UBE2E2: variants seen among roughly 807,000 people sequenced by gnomAD.
The protein encoded by UBE2E2 is ubiquitin conjugating enzyme E2 E2, also known as ubiquitin-conjugating enzyme E2 E2.
In UBE2E2, 6 loss-of-function variants were observed where a neutral mutation model predicts 24.7. The ratio of observed to expected loss-of-function variants is 0.24; its 90% CI spans 0.13 to 0.48. The LOEUF (loss-of-function observed/expected upper bound fraction) is 0.48. Ranked by LOEUF, UBE2E2 falls within the 20% of genes least tolerant of loss-of-function variation. The probability of loss-of-function intolerance (pLI) is 0.99; values close to 1 mark genes in which losing one functional copy is unlikely to be tolerated. For missense variants in UBE2E2, 169 were observed against 245.0 expected (o/e 0.69, Z 2.07); for synonymous variants, 104 against 83.6 (o/e 1.24, Z -1.33).
At chr3:23,483,373 G>T (rs992797976) in intron 3 of UBE2E2, among the ~76,000 whole-genome samples, 8 of 152,208 alleles carry the variant, frequency 5.3e-5, no homozygotes, top group African/African-American at 1.9e-4. Context: ...CTCTTTGCCA[G>T]ACACTACATT....
At chr3:23,351,461 C>T (rs1695745603) in intron 3 of UBE2E2, among the ~76,000 whole-genome samples, 2 of 152,190 alleles carry the variant, frequency 1.3e-5, no homozygotes, top group African/African-American at 4.8e-5. Flanking sequence ...AGAGTCAAGA[C>T]CCATCAGTGT....
intron 3 of UBE2E2, among the ~76,000 whole-genome samples, chr3:23,398,198 A>G (rs1198538264): frequency 6.6e-6 from 1 of 151,664 alleles, no homozygotes; most frequent in African/African-American, 2.4e-5. Flanking sequence ...CTGCGATCCC[A>G]GCTACTCAGG....
chr3:23,212,682 C>T (rs923931980), intron 2 of UBE2E2, among the ~76,000 whole-genome samples: 5 of 151,930 alleles, frequency 3.3e-5, no homozygotes, highest in African/African-American at 7.3e-5. Flanking sequence ...CATATGGGCT[C>T]GTCTAAGTTT....
chr3:23,563,357 A>C (rs997568191), intron 5 of UBE2E2, among the ~76,000 whole-genome samples: 2 of 152,148 alleles, frequency 1.3e-5, no homozygotes, highest in South Asian at 4.2e-4. Context: ...CGGGTTGTTC[A>C]GTTTCCATGT....
chr3:23,219,894 C>CTT (rs1193582867), intron 3 of UBE2E2, among the ~76,000 whole-genome samples: 1 of 152,122 alleles, frequency 6.6e-6, no homozygotes, highest in South Asian at 2.1e-4. Flanking sequence ...TCACATTCCA[C>CTT]TTTGAGTGTG....
At chr3:23,224,123 ATTCATAG>A (rs1226171648) in intron 3 of UBE2E2, among the ~76,000 whole-genome samples, 1 of 100,432 alleles carries the variant, frequency 1.0e-5, no homozygotes, top group Non-Finnish European at 2.1e-5. Context: ...TGCTTTGGCT[ATTCATAG>A]TCTTGTGGTT....
chr3:23,349,614 C>G (rs547748351), intron 3 of UBE2E2, among the ~76,000 whole-genome samples: 1 of 152,202 alleles, frequency 6.6e-6, no homozygotes, highest in Non-Finnish European at 1.5e-5. Context: ...CCTACGCCCA[C>G]GGAATCTCGC....
chr3:23,475,914 C>T (rs1699124392), intron 3 of UBE2E2, among the ~76,000 whole-genome samples: 1 of 152,100 alleles, frequency 6.6e-6, no homozygotes, highest in South Asian at 2.1e-4. Flanking sequence ...CATGTTCTTA[C>T]ACTAAAGACA....
rs542842007 is a variant in UBE2E2, at chr3:23,484,572, C to G, written c.228-15036C>G. Among the ~76,000 whole-genome samples, 3 of 152,222 alleles carry G rather than the reference C, an allele frequency of 2.0e-5. 1 individual carries two copies. The highest frequency in any genetic ancestry group is 7.2e-5 in the African/African-American group (3 of 41,526). On this transcript the variant is annotated intron_variant, in intron 3 of 5. Transcript: ENST00000396703. ...GGAATCAAGAATGTTCTTTATCTTGCCTAGATCACAGTACAGTGATGAGCA... is the reference window on the plus strand; with the variant it reads ...GGAATCAAGAATGTTCTTTATCTTGGCTAGATCACAGTACAGTGATGAGCA...
chr3:23,523,291 A>G (rs1170993942), intron 4 of UBE2E2, among the ~76,000 whole-genome samples: 2 of 152,210 alleles, frequency 1.3e-5, no homozygotes, highest in African/African-American at 2.4e-5. Context: ...ATTGAATAAG[A>G]TGCTCCCAAT....
At chr3:23,260,904 G>A (rs1697880388) in intron 3 of UBE2E2, among the ~76,000 whole-genome samples, 1 of 152,106 alleles carries the variant, frequency 6.6e-6, no homozygotes, top group African/African-American at 2.4e-5. Context: ...AGGAGTTTGA[G>A]ATCAGCATGG....
chr3:23,493,207 G>C (rs1396209922), intron 3 of UBE2E2, among the ~76,000 whole-genome samples: 3 of 152,184 alleles, frequency 2.0e-5, no homozygotes, highest in Non-Finnish European at 4.4e-5. Flanking sequence ...CTTGGTCTTA[G>C]AATCACAGGT....
At chr3:23,311,319 C>T (rs1296246836) in intron 3 of UBE2E2, among the ~76,000 whole-genome samples, 3 of 152,186 alleles carry the variant, frequency 2.0e-5, no homozygotes, top group Admixed American at 1.3e-4. Flanking sequence ...AATAAACATA[C>T]GTGTGCATGT....
chr3:23,288,879 A>G (rs977104344), intron 3 of UBE2E2, among the ~76,000 whole-genome samples: 2 of 152,194 alleles, frequency 1.3e-5, no homozygotes, highest in Admixed American at 1.3e-4. Flanking sequence ...TTACTGTGCT[A>G]TCCCTCCCCC....
intron 5 of UBE2E2, among the ~76,000 whole-genome samples, chr3:23,571,276 C>T (rs1175894179): frequency 1.2e-4 from 3 of 24,694 alleles, no homozygotes; most frequent in East Asian, 1.6e-3. Flanking sequence ...CTGTGTGCTC[C>T]TTTCTTTTTT....
chr3:23,546,187 C>G (rs574096701), intron 5 of UBE2E2, among the ~76,000 whole-genome samples: 10 of 152,208 alleles, frequency 6.6e-5, no homozygotes, highest in Non-Finnish European at 1.0e-4. Context: ...AAAAATTTTT[C>G]AAAGAACTTG....
chr3:23,255,113 G>T (rs1401523314), intron 3 of UBE2E2, among the ~76,000 whole-genome samples: 45 of 133,378 alleles, frequency 3.4e-4, no homozygotes, highest in Non-Finnish European at 5.5e-4. Flanking sequence ...TTGAGACAGG[G>T]CCTCACTATG....
At chr3:23,494,161 G>C (rs937281768) in intron 3 of UBE2E2, among the ~76,000 whole-genome samples, 15 of 152,118 alleles carry the variant, frequency 9.9e-5, no homozygotes, top group African/African-American at 3.6e-4. Flanking sequence ...TATTTGTTCA[G>C]CTTGAGAGAT....
At chr3:23,536,851 CT>C (rs1173149628) in intron 5 of UBE2E2, among the ~76,000 whole-genome samples, 2 of 152,128 alleles carry the variant, frequency 1.3e-5, no homozygotes, top group African/African-American at 4.8e-5. Context: ...TTCTTCTTAA[CT>C]TTTTTTAGTT....
Sources: allele counts gnomAD v4.1 joint callset (sites outside exome capture counted in the v4.1 genomes callset), GRCh38; gene constraint gnomAD v4.1.1; transcripts MANE v1.5; gene names NCBI Gene and HGNC (gene_info 2026-07-23, HGNC 2026-07-21).